The following STK32A variants were observed in gnomAD, a reference collection of about 807,000 sequenced individuals.
STK32A encodes serine/threonine kinase 32A.
STK32A carries 41 observed loss-of-function variants against 53.2 expected under a neutral mutation model. The observed-to-expected ratio is 0.77, with a 90% CI of 0.60 to 1.00. The LOEUF is 1.00. STK32A is among the 50% of genes least tolerant of loss of function. The probability of loss-of-function intolerance (pLI) is 0.00; values close to 1 mark genes in which losing one functional copy is unlikely to be tolerated. For missense variants in STK32A, 458 were observed against 485.8 expected (o/e 0.94, Z 0.54); for synonymous variants, 166 against 162.8 (o/e 1.02, Z -0.15).
intron 4 of STK32A, among the ~76,000 whole-genome samples, chr5:147,292,483 G>A (rs1251974661): frequency 1.3e-5 from 2 of 152,140 alleles, no homozygotes; most frequent in Non-Finnish European, 2.9e-5. Context: ...CTTAATTGTT[G>A]TAAGCTCTAA....
At chr5:147,320,475 A>G (rs533213436) in intron 4 of STK32A, among the ~76,000 whole-genome samples, 4 of 152,264 alleles carry the variant, frequency 2.6e-5, no homozygotes, top group African/African-American at 9.6e-5. Context: ...TTCTATTGCT[A>G]TCTGTTCAAT....
At chr5:147,393,152 T>A in the STK32A span, 1 of 152,170 alleles carries the variant, frequency 6.6e-6, no homozygotes, top group East Asian at 1.9e-4. Context: ...GAAGGAAGCG[T>A]CTTTAAGCTG....
the STK32A span, among the ~76,000 whole-genome samples, chr5:147,395,950 A>C: frequency 6.6e-6 from 1 of 152,294 alleles, no homozygotes; most frequent in African/African-American, 2.4e-5. Context: ...ATGAGCTTCG[A>C]TCAGAAGGAT....
chr5:147,254,839 C>A (rs62380972), intron 2 of STK32A, among the ~76,000 whole-genome samples: 47,553 of 151,898 alleles, frequency 0.31, 7,773 homozygotes, highest in African/African-American at 0.39. Context: ...GAGGAAGTTA[C>A]GTTTAAAAGT....
Position 147,342,989 on chromosome 5 carries a change from T to C in STK32A, c.435-17T>C. The stretch of plus-strand genomic sequence containing the variant: ...TTTTATTGTGAGCAACTTTCTTTTT[T>C]CTTTTTACTCCTCTAGGGATATGAA... On this transcript the variant is annotated splice_polypyrimidine_tract_variant and intron_variant, in intron 5 of 12. Transcript: ENST00000397936. 6.2e-7 allele frequency: 1 copy of C among 1,613,002 alleles called. No homozygotes were observed. Among genetic ancestry groups the C allele is most frequent in the South Asian group, 1.1e-5 (1 of 91,044 alleles).
chr5:147,329,613 C>T (rs1288060582), intron 5 of STK32A, among the ~76,000 whole-genome samples: 6 of 152,158 alleles, frequency 3.9e-5, no homozygotes, highest in Admixed American at 6.5e-5. Flanking sequence ...ATATCCTGAG[C>T]GATGCATGTG....
At chr5:147,311,952 A>C (rs1753719184) in intron 4 of STK32A, among the ~76,000 whole-genome samples, 1 of 152,078 alleles carries the variant, frequency 6.6e-6, no homozygotes, top group South Asian at 2.1e-4. Flanking sequence ...GCAGAGGGGG[A>C]AACACAGAGG....
intron 5 of STK32A, among the ~76,000 whole-genome samples, chr5:147,325,653 G>C (rs1167179988): frequency 6.6e-6 from 1 of 152,132 alleles, no homozygotes; most frequent in Non-Finnish European, 1.5e-5. Context: ...TCAGGCACCA[G>C]ATAAATGAAA....
chr5:147,312,910 A>G (rs1345461953), intron 4 of STK32A, among the ~76,000 whole-genome samples: 1 of 152,108 alleles, frequency 6.6e-6, no homozygotes, highest in African/African-American at 2.4e-5. Flanking sequence ...ATGACATTAG[A>G]CTGCCCAGAA....
intron 2 of STK32A, among the ~76,000 whole-genome samples, chr5:147,246,565 T>C (rs925622572): frequency 3.3e-5 from 5 of 152,230 alleles, no homozygotes; most frequent in African/African-American, 1.2e-4. Flanking sequence ...CATTTTAATG[T>C]CTGTGGCTCA....
At chr5:147,341,756 G>A (rs1234877995) in intron 5 of STK32A, among the ~76,000 whole-genome samples, 1 of 152,110 alleles carries the variant, frequency 6.6e-6, no homozygotes, top group Non-Finnish European at 1.5e-5. Context: ...TGTACAGCAA[G>A]ATAACTATAG....
chr5:147,237,424 C>G (rs1471777822), intron 1 of STK32A, among the ~76,000 whole-genome samples: 1 of 152,164 alleles, frequency 6.6e-6, no homozygotes, highest in Admixed American at 6.5e-5. Flanking sequence ...TAATAAAGCA[C>G]AAAGACCACC....
rs193057694 is a variant in STK32A, at chr5:147,341,266, C to G, written c.435-1740C>G. ...GAAAGAGGTGGAAAGAGCCCGACAC[C>G]TGGTTTATCTCTAGCTTTATGGTGC... is the stretch of plus-strand genomic sequence containing the variant. On this transcript the variant is annotated intron_variant, in intron 5 of 12. Transcript: ENST00000397936. Among the ~76,000 whole-genome samples the G allele has an allele frequency of 7.2e-5, 11 of 152,274 alleles. No individual in the cohort carries two copies. In the East Asian group the frequency reaches 2.1e-3, roughly 29 times the overall value.
chr5:147,335,259 G>T (rs946023247), intron 5 of STK32A, among the ~76,000 whole-genome samples: 1 of 152,268 alleles, frequency 6.6e-6, no homozygotes, highest in Non-Finnish European at 1.5e-5. Context: ...AATGTGGAGG[G>T]CTGAGTCTCA....
At chr5:147,376,249 C>T (rs1309792980) in intron 11 of STK32A, among the ~76,000 whole-genome samples, 1 of 152,154 alleles carries the variant, frequency 6.6e-6, no homozygotes, top group African/African-American at 2.4e-5. Context: ...GAACTGGCTT[C>T]TCGTCAGATT....
chr5:147,324,140 A>G (rs2151978277), intron 5 of STK32A, 69 bp downstream of exon 5: 2 of 1,383,346 alleles, frequency 1.4e-6, no homozygotes, highest in Non-Finnish European at 1.9e-6. Flanking sequence ...GCTACCTTCA[A>G]TAAATTCTTA....
At chr5:147,305,975 A>C (rs1471731833) in intron 4 of STK32A, among the ~76,000 whole-genome samples, 1 of 151,516 alleles carries the variant, frequency 6.6e-6, no homozygotes, top group Non-Finnish European at 1.5e-5. Flanking sequence ...TTTGGAATAT[A>C]AACTTAAGAA....
intron 8 of STK32A, among the ~76,000 whole-genome samples, chr5:147,367,983 A>G (rs1756842094): frequency 6.6e-6 from 1 of 152,256 alleles, no homozygotes; most frequent in Non-Finnish European, 1.5e-5. Context: ...AATTTCCTCC[A>G]TACGTACAAA....
chr5:147,282,600 A>G (rs72831335), intron 4 of STK32A, among the ~76,000 whole-genome samples: 8,989 of 152,138 alleles, frequency 0.059, 328 homozygotes, highest in Middle Eastern at 0.11. Context: ...TGGGGAAAGG[A>G]ATTTCATGCA....
Sources: gnomAD v4.1 joint callset for allele counts (sites outside exome capture counted in the v4.1 genomes callset) on GRCh38, gnomAD v4.1.1 for gene constraint, MANE v1.5 for transcripts, NCBI Gene and HGNC (gene_info 2026-07-23, HGNC 2026-07-21) for gene names.